EPHB1: variants seen among roughly 807,000 people sequenced by gnomAD.
EPHB1 encodes the protein ephrin type-B receptor 1.
In EPHB1, 30 loss-of-function variants were observed where a neutral mutation model predicts 94.4. That is an observed-to-expected ratio of 0.32 (90% confidence interval 0.24 to 0.43). The LOEUF (loss-of-function observed/expected upper bound fraction) is 0.43, where lower values mean the gene tolerates loss of function less well. Ranked by LOEUF, EPHB1 falls within the 20% of genes least tolerant of loss-of-function variation. The pLI is 1.00. For synonymous variants in EPHB1, 522 were observed against 489.1 expected (o/e 1.07, Z -0.89); for missense variants, 1,055 against 1,308.3 (o/e 0.81, Z 2.99).
intron 1 of EPHB1, among the ~76,000 whole-genome samples, chr3:134,839,009 G>A (rs2036729321): frequency 6.6e-6 from 1 of 152,022 alleles, no homozygotes; most frequent in African/African-American, 2.4e-5. Flanking sequence ...TTAATATTCA[G>A]GTAAAAGAAC....
At chr3:134,974,897 T>C (rs975845851) in intron 3 of EPHB1, among the ~76,000 whole-genome samples, 17 of 87,328 alleles carry the variant, frequency 1.9e-4, no homozygotes, top group African/African-American at 1.2e-3. Context: ...GAGCTGCTCC[T>C]GTGCCTTGCA....
intron 8 of EPHB1, among the ~76,000 whole-genome samples, chr3:135,166,382 A>G (rs1361767074): frequency 6.6e-6 from 1 of 152,240 alleles, no homozygotes; most frequent in African/African-American, 2.4e-5. Context: ...CATTTGACTC[A>G]CTGGAGCATC....
chr3:135,126,967 T>G (rs1156639483), intron 4 of EPHB1, among the ~76,000 whole-genome samples: 1 of 152,146 alleles, frequency 6.6e-6, no homozygotes, highest in Non-Finnish European at 1.5e-5. Flanking sequence ...GATAATCCAA[T>G]AATGACAATA....
intron 1 of EPHB1, among the ~76,000 whole-genome samples, chr3:134,799,204 C>T (rs4955454): frequency 0.99 from 151,298 of 152,340 alleles, 75,137 homozygotes; most frequent in Middle Eastern, 1. Context: ...TTCCATTACA[C>T]GTTTGTGGTG....
intron 12 of EPHB1, among the ~76,000 whole-genome samples, chr3:135,212,724 T>C (rs1943059842): frequency 6.6e-6 from 1 of 152,240 alleles, no homozygotes; most frequent in Non-Finnish European, 1.5e-5. Context: ...CTATTGGGGT[T>C]TGAGCCACTG....
intron 15 of EPHB1, among the ~76,000 whole-genome samples, chr3:135,256,781 A>G (rs971942812): frequency 2.6e-5 from 4 of 151,888 alleles, no homozygotes; most frequent in African/African-American, 9.7e-5. Flanking sequence ...CAGATTGGGG[A>G]AGTTCTCCTG....
In EPHB1 at chr3:135,166,053, G is replaced by T; in HGVS notation, c.1671G>T (p.Val557=). ...GGGTCGTGTTCGTTGTGTCCTTGGT[G>T]GCCATCTCTATCGTCTGTAGCAGGT... The part of the protein sequence containing the change: ...AAGVVFVVSL[V]AISIVCSRKR... The change falls in exon 8 of 16, where the codon GTG becomes GTT. Residue 557 remains valine, a synonymous_variant. Transcript: ENST00000398015. 1 of 1,613,822 alleles carries T rather than the reference G, an allele frequency of 6.2e-7. No individual in the cohort carries two copies.
intron 1 of EPHB1, among the ~76,000 whole-genome samples, chr3:134,829,719 C>A (rs1185549109): frequency 3.3e-5 from 5 of 152,104 alleles, no homozygotes; most frequent in African/African-American, 1.2e-4. Flanking sequence ...AGGGTCTGTG[C>A]AGAATAAGCA....
chr3:135,170,075 CTTCCTGACCA>C (rs1941763766), intron 9 of EPHB1, among the ~76,000 whole-genome samples: 1 of 152,198 alleles, frequency 6.6e-6, no homozygotes, highest in Non-Finnish European at 1.5e-5. Context: ...GCTCTGAGAT[CTTCCTGACCA>C]GGGAGTAACA....
rs1359790615 is a variant in EPHB1 at position 135,179,856 on chromosome 3, C to G, written c.1760-4C>G. The stretch of plus-strand genomic sequence containing the variant: ...TGTTAACCCTGCTTATCTCCTCCAA[C>G]AAGGCTCCCCAGGGATGAAGATCTA... On this transcript the variant is annotated splice_polypyrimidine_tract_variant and splice_region_variant and intron_variant, in intron 9 of 15. Transcript: ENST00000398015. 6.2e-7 allele frequency: 1 copy of G among 1,613,680 alleles called. No individual in the cohort carries two copies. The highest frequency in any genetic ancestry group is 1.7e-5 in the Admixed American group (1 of 60,020).
intron 3 of EPHB1, among the ~76,000 whole-genome samples, chr3:134,994,629 G>T (rs1185092695): frequency 1.3e-5 from 2 of 152,116 alleles, no homozygotes; most frequent in South Asian, 2.1e-4. Context: ...TTACTATGTT[G>T]CCCAGGCTGG....
At chr3:134,820,185 T>C (rs2036353372) in intron 1 of EPHB1, among the ~76,000 whole-genome samples, 1 of 152,112 alleles carries the variant, frequency 6.6e-6, no homozygotes, top group Non-Finnish European at 1.5e-5. Flanking sequence ...CATCACTCCC[T>C]CTTTCTTCCA....
chr3:135,098,377 T>C (rs1938888117), intron 3 of EPHB1, among the ~76,000 whole-genome samples: 1 of 152,176 alleles, frequency 6.6e-6, no homozygotes, highest in Non-Finnish European at 1.5e-5. Context: ...ATGAAGTTCA[T>C]AGTCTCATAC....
At chr3:134,965,808 CAGAG>C (rs1933719178) in intron 3 of EPHB1, among the ~76,000 whole-genome samples, 1 of 152,052 alleles carries the variant, frequency 6.6e-6, no homozygotes, top group South Asian at 2.1e-4. Flanking sequence ...ATTGACTACT[CAGAG>C]AGCTCATAGC....
At chr3:135,202,285 T>C (rs1942779614) in intron 12 of EPHB1, among the ~76,000 whole-genome samples, 1 of 152,176 alleles carries the variant, frequency 6.6e-6, no homozygotes, top group African/African-American at 2.4e-5. Flanking sequence ...AAAATAGAGC[T>C]TGGGATTTAC....
chr3:135,125,210 G>A (rs747109523), intron 4 of EPHB1, among the ~76,000 whole-genome samples: 25 of 151,470 alleles, frequency 1.7e-4, no homozygotes, highest in Non-Finnish European at 2.1e-4. Flanking sequence ...CTTATTCCTC[G>A]TTTCCCATAT....
intron 1 of EPHB1, among the ~76,000 whole-genome samples, chr3:134,840,146 G>A (rs566508286): frequency 4.6e-5 from 7 of 152,300 alleles, no homozygotes; most frequent in African/African-American, 1.4e-4. Flanking sequence ...TCCCCAGGCA[G>A]CACACATCAC....
intron 4 of EPHB1, 114 bp from the exon 5 acceptor site, chr3:135,132,600 G>T: frequency 1.2e-6 from 1 of 861,780 alleles, no homozygotes; most frequent in Non-Finnish European, 1.8e-6. Context: ...GTTGAGGAAG[G>T]AGTGGGAGGC....
intron 12 of EPHB1, among the ~76,000 whole-genome samples, chr3:135,230,898 T>C (rs1334872145): frequency 2.6e-5 from 4 of 152,242 alleles, no homozygotes; most frequent in Admixed American, 2.6e-4. Flanking sequence ...AGGACATCAT[T>C]TCTTTCTTTT....
Sources: gnomAD v4.1 joint callset for allele counts (sites outside exome capture counted in the v4.1 genomes callset) on GRCh38, gnomAD v4.1.1 for gene constraint, MANE v1.5 for transcripts, NCBI Gene and HGNC (gene_info 2026-07-23, HGNC 2026-07-21) for gene names.